Variants in MOK observed in about 807,000 individuals in gnomAD.
MOK encodes the protein MAPK/MAK/MRK overlapping kinase.
In MOK, 59 loss-of-function variants were observed where a neutral mutation model predicts 54.2. The observed-to-expected ratio is 1.09, with a 90% CI of 0.88 to 1.35. The LOEUF is 1.35. MOK is among the 40% of genes most tolerant of loss of function. MOK has a pLI of 0.00. For missense variants in MOK, 517 were observed against 526.2 expected (o/e 0.98, Z 0.17); for synonymous variants, 210 against 202.7 (o/e 1.04, Z -0.31).
chr14:102,216,113 C>T, the MOK span, among the ~76,000 whole-genome samples: 76 of 152,280 alleles, frequency 5.0e-4, no homozygotes, highest in African/African-American at 1.7e-3. Flanking sequence ...TGGGGAACTC[C>T]CAGAAGCTTC....
intron 1 of MOK, among the ~76,000 whole-genome samples, chr14:102,290,789 A>C (rs1031615923): frequency 6.6e-5 from 10 of 152,154 alleles, no homozygotes; most frequent in African/African-American, 2.4e-4. Flanking sequence ...TAAATTTAGG[A>C]AATACAGAGT....
chr14:102,297,239 T>G (rs2153191398), intron 1 of MOK, among the ~76,000 whole-genome samples: 1 of 151,672 alleles, frequency 6.6e-6, no homozygotes, highest in African/African-American at 2.4e-5. Context: ...GCGCCTGTAG[T>G]CCCAGCTACT....
At chr14:102,304,720 T>G (rs939072981) in intron 1 of MOK, among the ~76,000 whole-genome samples, 10 of 152,068 alleles carry the variant, frequency 6.6e-5, no homozygotes, top group Non-Finnish European at 1.0e-4. Flanking sequence ...TCGAGTCGGC[T>G]CTCCGAGACC....
chr14:102,269,324 T>C (rs2068165519), intron 2 of MOK, among the ~76,000 whole-genome samples: 1 of 151,952 alleles, frequency 6.6e-6, no homozygotes, highest in Non-Finnish European at 1.5e-5. Context: ...GTAGCTGGGA[T>C]TACAGGTGCC....
downstream of MOK, among the ~76,000 whole-genome samples, chr14:102,219,918 C>T (rs776520306): frequency 6.6e-6 from 1 of 152,230 alleles, no homozygotes; most frequent in Non-Finnish European, 1.5e-5. Flanking sequence ...GAGAGTGGGA[C>T]AGTGGAGGGC....
chr14:102,218,358 A>C, the MOK span, among the ~76,000 whole-genome samples: 3 of 152,202 alleles, frequency 2.0e-5, no homozygotes, highest in Non-Finnish European at 1.5e-5. Flanking sequence ...CGTGGGGGTC[A>C]GAAGGGGAAG....
intron 1 of MOK, among the ~76,000 whole-genome samples, chr14:102,302,340 T>C (rs2072315465): frequency 6.6e-6 from 1 of 152,140 alleles, no homozygotes; most frequent in South Asian, 2.1e-4. Flanking sequence ...CTCAAAGTGC[T>C]GGGATTACAG....
intron 1 of MOK, among the ~76,000 whole-genome samples, chr14:102,299,386 C>G (rs879790342): frequency 2.0e-5 from 3 of 151,962 alleles, no homozygotes; most frequent in Non-Finnish European, 4.4e-5. Context: ...TGGTGGTTTG[C>G]ACCTATAAAT....
At position 102,235,907 on chromosome 14, in the gene MOK, G is replaced by GTGCTAA; in HGVS notation, c.591-2124_591-2119dup. On this transcript the variant is annotated intron_variant, in intron 7 of 11. Transcript: ENST00000361847. The surrounding 1 kb of genome is among the most constrained non-coding windows in gnomAD (Gnocchi z 4.4). ...AAATTAGATAAAGCCCAAAGAGATC[G>GTGCTAA]TGCTAAATACCAGCTTCTAGCAGCG... is the stretch of plus-strand genomic sequence containing the variant. Among the ~76,000 whole-genome samples the GTGCTAA allele has an allele frequency of 6.6e-6, 1 of 152,238 alleles. No homozygotes were observed. Among genetic ancestry groups the GTGCTAA allele is most frequent in the African/African-American group, 2.4e-5 (1 of 41,526 alleles).
chr14:102,294,420 A>T (rs576810291), intron 1 of MOK, among the ~76,000 whole-genome samples: 21 of 148,442 alleles, frequency 1.4e-4, no homozygotes, highest in Admixed American at 2.7e-4. Context: ...CACTCCAGCC[A>T]GGGTGATAGA....
intron 2 of MOK, 133 bp downstream of exon 2, chr14:102,283,345 C>T: frequency 1.7e-6 from 1 of 589,792 alleles, no homozygotes; most frequent in Non-Finnish European, 3.0e-6. Flanking sequence ...AGCATATAAC[C>T]CTCACTGCCC....
chr14:102,270,465 T>G (rs1272210145), intron 2 of MOK, among the ~76,000 whole-genome samples: 1 of 152,022 alleles, frequency 6.6e-6, no homozygotes, highest in African/African-American at 2.4e-5. Flanking sequence ...CCAAGCGTGG[T>G]GGCAGGGTGC....
chr14:102,253,414 T>C (rs1567174497), intron 4 of MOK, among the ~76,000 whole-genome samples: 1 of 152,244 alleles, frequency 6.6e-6, no homozygotes, highest in Non-Finnish European at 1.5e-5. Flanking sequence ...GACGCTGTCC[T>C]TCAGCCTACA....
At chr14:102,300,598 T>C (rs1263712740) in intron 1 of MOK, among the ~76,000 whole-genome samples, 1 of 152,190 alleles carries the variant, frequency 6.6e-6, no homozygotes, top group African/African-American at 2.4e-5. Context: ...CTAGACTAGA[T>C]AAGGGGAAAC....
chr14:102,283,630 T>C, intron 1 of MOK, 38 bp from the exon 2 acceptor site: 1 of 1,332,192 alleles, frequency 7.5e-7, no homozygotes, highest in Non-Finnish European at 1.1e-6. Context: ...AAATGTTATT[T>C]ATGCATACAC....
chr14:102,290,204 C>T (rs2070609808), intron 1 of MOK, among the ~76,000 whole-genome samples: 1 of 149,992 alleles, frequency 6.7e-6, no homozygotes, highest in Admixed American at 6.6e-5. Context: ...CTTTGGAAGG[C>T]CGAGGTGGGC....
chr14:102,231,908 T>A lies in MOK; in HGVS notation c.867-87A>T. On this transcript the variant is annotated intron_variant, in intron 9 of 11. Transcript: ENST00000361847. The surrounding 1 kb of genome is among the most constrained non-coding windows in gnomAD (Gnocchi z 4.4). Reference sequence around the variant, plus strand: ...CTGGCTTCTTTGTCTCCAATTTGTCTACTGTGTGAGTTGTCACTAGCTCTT... The same window carrying A: ...CTGGCTTCTTTGTCTCCAATTTGTCAACTGTGTGAGTTGTCACTAGCTCTT... The A allele has an allele frequency of 8.9e-7, 1 of 1,120,396 alleles. No individual in the cohort carries two copies. Among genetic ancestry groups the A allele is most frequent in the Non-Finnish European group, 1.3e-6 (1 of 763,524 alleles). 69.4% of individuals were successfully genotyped at this position (1,120,396 alleles called of 1,614,324 possible).
At chr14:102,248,456 A>C (rs963425518) in intron 7 of MOK, among the ~76,000 whole-genome samples, 1 of 152,022 alleles carries the variant, frequency 6.6e-6, no homozygotes, top group Admixed American at 6.6e-5. Context: ...AAACATCACA[A>C]GGTGATATGT....
Position 102,232,668 on chromosome 14 carries a change from A to T in MOK, c.733T>A (p.Ser245Thr). The T allele has an allele frequency of 6.2e-7, 1 of 1,613,764 alleles. No homozygotes were observed. Among genetic ancestry groups the T allele is most frequent in the South Asian group, 1.1e-5 (1 of 91,026 alleles). ...MNFDFPFKKG[S>T]GIPLLTTNLS... ...TTGGTTGTTAGTAGAGGTATTCCTG[A>T]TCCCTTTTTAAAAGGAAAATCAAAA... Residue 245 changes from serine to threonine, a missense_variant, in exon 9 of 12, where the codon TCA (serine) becomes ACA (threonine). Transcript: ENST00000361847. The surrounding 1 kb of genome is among the most constrained non-coding windows in gnomAD (Gnocchi z 5.1).
Sources: gnomAD v4.1 joint callset for allele counts (sites outside exome capture counted in the v4.1 genomes callset) on GRCh38, gnomAD v4.1.1 for gene constraint, Gnocchi (gnomAD v3.1) non-coding constraint, MANE v1.5 for transcripts, NCBI Gene and HGNC (gene_info 2026-07-23, HGNC 2026-07-21) for gene names.